GRK5: variants seen among roughly 807,000 people sequenced by gnomAD.
GRK5 encodes the protein g protein-coupled receptor kinase GRK5.
GRK5 carries 40 observed loss-of-function variants against 78.4 expected under a neutral mutation model. The ratio of observed to expected loss-of-function variants is 0.51; its 90% CI spans 0.40 to 0.66. GRK5 has a LOEUF of 0.66. Ranked by LOEUF, GRK5 falls within the 30% of genes least tolerant of loss-of-function variation. The probability of loss-of-function intolerance (pLI) is 0.00; values close to 1 mark genes in which losing one functional copy is unlikely to be tolerated. For missense variants in GRK5, 598 were observed against 759.9 expected (o/e 0.79, Z 2.50); for synonymous variants, 289 against 296.8 (o/e 0.97, Z 0.27).
chr10:119,441,853 C>G, intron 10 of GRK5, 146 bp from the exon 11 acceptor site: 1 of 638,050 alleles, frequency 1.6e-6, no homozygotes, highest in Non-Finnish European at 2.9e-6. Context: ...CTCTTGTGGT[C>G]ACTCTGAGAT....
intron 2 of GRK5, among the ~76,000 whole-genome samples, chr10:119,359,782 A>C (rs1851327955): frequency 6.6e-6 from 1 of 152,142 alleles, no homozygotes; most frequent in South Asian, 2.1e-4. Flanking sequence ...AGAACATTCA[A>C]GTTTCTGCCA....
intron 1 of GRK5, among the ~76,000 whole-genome samples, chr10:119,226,313 ATT>A (rs746259846): frequency 1.8e-5 from 2 of 108,822 alleles, no homozygotes; most frequent in Admixed American, 9.1e-5. Flanking sequence ...TTTAATTTTA[ATT>A]TTTTTTTTTT....
At chr10:119,254,469 A>T (rs555973562) in intron 1 of GRK5, among the ~76,000 whole-genome samples, 19 of 152,126 alleles carry the variant, frequency 1.2e-4, no homozygotes, top group African/African-American at 4.6e-4. Flanking sequence ...CCTTGTGCTC[A>T]GGGGGCTTAC....
intron 1 of GRK5, among the ~76,000 whole-genome samples, chr10:119,274,873 G>A (rs1186167534): frequency 1.3e-5 from 2 of 152,194 alleles, no homozygotes. Flanking sequence ...TGGCCTGTAA[G>A]TACCTATTGT....
At chr10:119,377,033 G>T (rs1364651242) in intron 2 of GRK5, among the ~76,000 whole-genome samples, 1 of 152,150 alleles carries the variant, frequency 6.6e-6, no homozygotes, top group Non-Finnish European at 1.5e-5. Flanking sequence ...GTGCCTGTGT[G>T]TACAGCATCC....
rs535634278 is a variant in GRK5, at chr10:119,207,857, G to A, written c.-61G>A. The A allele has an allele frequency of 8.0e-6, 12 of 1,493,206 alleles. No individual in the cohort carries two copies. Among genetic ancestry groups the A allele is most frequent in the Admixed American group, 6.1e-5 (3 of 49,054 alleles). 92.5% of individuals were successfully genotyped at this position (1,493,206 alleles called of 1,614,324 possible). On this transcript the variant is annotated 5_prime_UTR_variant, in exon 1 of 16. Coordinates refer to ENST00000392870, the MANE Select transcript of GRK5 (RefSeq NM_005308.3). ...CAGCCCGAGCAGCGGCAGCAGCAGC[G>A]GCAGCACCCCAGGCGCTGACAGCCC...
In GRK5 at chr10:119,431,647, A is replaced by G; in HGVS notation, c.738+120A>G. The G allele has an allele frequency of 8.3e-7, 1 of 1,204,002 alleles. No individual in the cohort carries two copies. The highest frequency in any genetic ancestry group is 2.6e-5 in the Admixed American group (1 of 39,072). The allele number at this position is 1,204,002 out of a possible 1,614,324, so 74.6% of individuals were successfully genotyped here. On this transcript the variant is annotated intron_variant, in intron 8 of 15. Transcript: ENST00000392870. This position sits in a 1 kb window ranked among gnomAD's most constrained non-coding sequence, Gnocchi z 4.8. The stretch of plus-strand genomic sequence containing the variant: ...CCCCACCCCTGGGAAGGGGAATGCC[A>G]GTGGCAGCGCTGAGCTACAGAAAGG...
chr10:119,394,260 C>CTATGTGTGGGTGTG, intron 3 of GRK5, among the ~76,000 whole-genome samples: 1 of 4,988 alleles, frequency 2.0e-4, no homozygotes, highest in African/African-American at 1.1e-3. Context: ...GTGGATGTAT[C>CTATGTGTGGGTGTG]TGTGTGTGTG....
At chr10:119,391,104 A>G (rs1322040297) in intron 3 of GRK5, among the ~76,000 whole-genome samples, 1 of 152,104 alleles carries the variant, frequency 6.6e-6, no homozygotes, top group African/African-American at 2.4e-5. Flanking sequence ...TTCATTCTCC[A>G]CCCAATGTGG....
chr10:119,394,481 G>T lies in GRK5; in HGVS notation c.262-2214G>T, dbSNP rs1481531542. ...TGGGCACGTGTGTGGATGTGTGTGGGTGTGTGTATCTGCGTGTCTGTGGGC... is the reference window on the plus strand; with the variant it reads ...TGGGCACGTGTGTGGATGTGTGTGGTTGTGTGTATCTGCGTGTCTGTGGGC... On this transcript the variant is annotated intron_variant, in intron 3 of 15. Transcript: ENST00000392870. Among the ~76,000 whole-genome samples the T allele has an allele frequency of 7.5e-5, 7 of 93,938 alleles. 2 individuals carry two copies. Among genetic ancestry groups the T allele is most frequent in the Non-Finnish European group, 1.5e-4 (7 of 46,024 alleles). 61.6% of individuals were successfully genotyped at this position (93,938 alleles called of 152,430 possible).
chr10:119,427,419 C>T (rs1426077368), intron 6 of GRK5, among the ~76,000 whole-genome samples: 2 of 152,054 alleles, frequency 1.3e-5, no homozygotes, highest in African/African-American at 4.8e-5. Flanking sequence ...AGCGTCACCA[C>T]CATCAGCAGC....
Position 119,441,938 on chromosome 10 carries a change from A to G in GRK5, c.968-61A>G, listed in dbSNP as rs1853044571. The stretch of plus-strand genomic sequence containing the variant: ...TCGTATGCCTTGCCCAAGGGCACAC[A>G]GCAAGGCCGGGTGCCCATGCGGCTG... On this transcript the variant is annotated intron_variant, in intron 10 of 15. Coordinates refer to ENST00000392870, the MANE Select transcript of GRK5 (RefSeq NM_005308.3). 6 of 1,373,926 alleles carry G rather than the reference A, an allele frequency of 4.4e-6. No individual in the cohort carries two copies. In the East Asian group the frequency reaches 9.1e-5, roughly 21 times the overall value. The allele number at this position is 1,373,926 out of a possible 1,614,324, so 85.1% of individuals were successfully genotyped here. A position where few individuals can be genotyped will look rare whatever the true frequency, so the allele number is the denominator to read the frequency against.
rs1246495940 is a variant in GRK5 at position 119,456,254 on chromosome 10, C to T, written c.*1187C>T. ...GTAGTCTCTCTGGGCAAATGAGAGG[C>T]CCAAGGAGAGACCAAGCCACCAAAG... On this transcript the variant is annotated 3_prime_UTR_variant, in exon 16 of 16. Coordinates refer to ENST00000392870, the MANE Select transcript of GRK5 (RefSeq NM_005308.3). This position sits in a 1 kb window ranked among gnomAD's most constrained non-coding sequence, Gnocchi z 5.5. 6.6e-6 allele frequency: 1 copy of T among 152,192 alleles called. No homozygotes were observed. The allele number at this position is 152,192 out of a possible 1,614,324, so 9.4% of individuals were successfully genotyped here.
intron 1 of GRK5, among the ~76,000 whole-genome samples, chr10:119,221,642 A>G (rs997479128): frequency 6.6e-6 from 1 of 152,226 alleles, no homozygotes; most frequent in Non-Finnish European, 1.5e-5. Flanking sequence ...TATCCTACCC[A>G]TGATATATTC....
intron 3 of GRK5, among the ~76,000 whole-genome samples, chr10:119,388,728 T>C (rs939442710): frequency 6.6e-6 from 1 of 152,230 alleles, no homozygotes; most frequent in Non-Finnish European, 1.5e-5. Flanking sequence ...TGGGCATGGC[T>C]TTGCGATGTG....
chr10:119,399,929 G>A (rs1325818874), intron 4 of GRK5, among the ~76,000 whole-genome samples: 1 of 152,154 alleles, frequency 6.6e-6, no homozygotes, highest in Non-Finnish European at 1.5e-5. Flanking sequence ...CCTTTGTTCA[G>A]GCTGTGCCCC....
At chr10:119,448,577 C>T (rs139258993) in intron 13 of GRK5, among the ~76,000 whole-genome samples, 300 of 152,342 alleles carry the variant, frequency 2.0e-3, no homozygotes, top group African/African-American at 7.0e-3. Flanking sequence ...ACTCATGCCT[C>T]CCACCTGCCT....
chr10:119,293,368 A>G (rs1043034860), intron 1 of GRK5, among the ~76,000 whole-genome samples: 2 of 152,172 alleles, frequency 1.3e-5, no homozygotes, highest in Non-Finnish European at 2.9e-5. Context: ...TTCATTAGCT[A>G]ACAGATGCTA....
At chr10:119,258,572 A>G (rs867219247) in intron 1 of GRK5, among the ~76,000 whole-genome samples, 10 of 152,178 alleles carry the variant, frequency 6.6e-5, no homozygotes, top group African/African-American at 2.4e-4. Flanking sequence ...ATTATCTTTC[A>G]TTATGTTCTA....
Sources: allele counts gnomAD v4.1 joint callset (sites outside exome capture counted in the v4.1 genomes callset), GRCh38; gene constraint gnomAD v4.1.1; non-coding constraint Gnocchi (gnomAD v3.1); transcripts MANE v1.5; gene names NCBI Gene and HGNC (gene_info 2026-07-23, HGNC 2026-07-21).